Variants in LEKR1 observed in about 807,000 individuals in gnomAD.
The protein encoded by LEKR1 is protein LEKR1.
In LEKR1, 59 loss-of-function variants were observed where a neutral mutation model predicts 72.4. That is an observed-to-expected ratio of 0.82 (90% confidence interval 0.66 to 1.01). The LOEUF is 1.01. LEKR1 is among the 50% of genes least tolerant of loss of function. The pLI, the probability that LEKR1 is intolerant of heterozygous loss-of-function variation, is 0.00. For synonymous variants in LEKR1, 257 were observed against 263.2 expected, an observed-to-expected ratio of 0.98 and a Z score of 0.23; for missense variants, 728 against 759.2, an observed-to-expected ratio of 0.96 and a Z score of 0.48.
chr3:157,044,279 C>T (rs542639419), intron 12 of LEKR1, among the ~76,000 whole-genome samples: 1 of 152,298 alleles, frequency 6.6e-6, no homozygotes, highest in Non-Finnish European at 1.5e-5. Context: ...TACTTTTCAG[C>T]CTCATTTTTG....
chr3:156,922,811 G>T (rs1346222531), intron 4 of LEKR1, among the ~76,000 whole-genome samples: 1 of 152,146 alleles, frequency 6.6e-6, no homozygotes, highest in Non-Finnish European at 1.5e-5. Context: ...TCACAAAGTT[G>T]TGTTTAAGTT....
chr3:156,896,036 G>T (rs1475322593), intron 3 of LEKR1, among the ~76,000 whole-genome samples: 1 of 152,168 alleles, frequency 6.6e-6, no homozygotes, highest in African/African-American at 2.4e-5. Flanking sequence ...CCATAAAAAA[G>T]AACAAGAGCA....
intron 5 of LEKR1, among the ~76,000 whole-genome samples, chr3:156,934,543 A>ATT (rs1342140715): frequency 6.6e-6 from 1 of 152,208 alleles, no homozygotes; most frequent in African/African-American, 2.4e-5. Context: ...TCCAAATTGG[A>ATT]TTTTAAAATT....
chr3:156,993,396 A>G (rs1327402335), intron 9 of LEKR1, 119 bp downstream of exon 9: 4 of 603,948 alleles, frequency 6.6e-6, no homozygotes, highest in Non-Finnish European at 1.1e-5. Context: ...GACTAAAGAT[A>G]TATTTCTCCT....
chr3:156,961,425 C>T (rs768527844), intron 6 of LEKR1, among the ~76,000 whole-genome samples: 43 of 152,208 alleles, frequency 2.8e-4, no homozygotes, highest in Non-Finnish European at 2.1e-4. Flanking sequence ...TCAACAGCCA[C>T]TCCCCTTACA....
chr3:156,888,003 A>G (rs1189715115), intron 3 of LEKR1, among the ~76,000 whole-genome samples: 1 of 152,238 alleles, frequency 6.6e-6, no homozygotes, highest in African/African-American at 2.4e-5. Context: ...TAAAATCATT[A>G]TAGAGGTAAT....
rs141466468 is a variant in LEKR1 at position 157,010,876 on chromosome 3, C to T, written c.1110-537C>T. ...TAATATGTTTTATGCTATATTGCAT[C>T]CCCGACATCACACATCTCTCTACTT... On this transcript the variant is annotated intron_variant, in intron 9 of 12. Coordinates refer to ENST00000356539, the MANE Select transcript of LEKR1 (RefSeq NM_001004316.3). 4.4e-3 allele frequency among the ~76,000 whole-genome samples: 665 copies of T among 152,118 alleles called. 2 individuals carry two copies. The highest frequency in any genetic ancestry group is 0.015 in the African/African-American group (640 of 41,502).
At chr3:157,035,780 T>A (rs1027589178) in intron 12 of LEKR1, among the ~76,000 whole-genome samples, 2 of 152,120 alleles carry the variant, frequency 1.3e-5, no homozygotes, top group African/African-American at 2.4e-5. Context: ...ACATCTGTAA[T>A]CCCAGCTACT....
At chr3:156,901,853 T>C (rs546367817) in intron 3 of LEKR1, among the ~76,000 whole-genome samples, 100 of 152,182 alleles carry the variant, frequency 6.6e-4, no homozygotes, top group Middle Eastern at 3.4e-3. Context: ...ACCCAGCTAA[T>C]TTTTGTATTT....
At chr3:156,861,872 C>G (rs1716799559) in intron 3 of LEKR1, among the ~76,000 whole-genome samples, 1 of 151,944 alleles carries the variant, frequency 6.6e-6, no homozygotes, top group Non-Finnish European at 1.5e-5. Context: ...TTTCATTTTT[C>G]TCCCACACCA....
At chr3:156,832,215 C>T (rs905702879) in intron 2 of LEKR1, among the ~76,000 whole-genome samples, 1 of 133,578 alleles carries the variant, frequency 7.5e-6, no homozygotes, top group African/African-American at 3.7e-5. Flanking sequence ...AATAATGAGC[C>T]CCAACATAAG....
intron 7 of LEKR1, among the ~76,000 whole-genome samples, chr3:156,982,862 G>GTGT (rs1730336495): frequency 1.9e-5 from 2 of 107,772 alleles, no homozygotes; most frequent in African/African-American, 6.8e-5. Context: ...TGTGTAGATA[G>GTGT]ATAGATAGAT....
At chr3:156,910,744 A>ACTTTATAGG (rs924554781) in intron 3 of LEKR1, among the ~76,000 whole-genome samples, 2 of 152,228 alleles carry the variant, frequency 1.3e-5, no homozygotes, top group African/African-American at 2.4e-5. Flanking sequence ...TATCCGGTCC[A>ACTTTATAGG]TCACTGATGA....
intron 7 of LEKR1, chr3:156,979,937 C>T (rs1730036623): frequency 6.6e-6 from 1 of 152,096 alleles, no homozygotes; most frequent in African/African-American, 2.4e-5. Flanking sequence ...TCACCTAAGC[C>T]TAGAAAGTTG....
At chr3:156,899,372 A>G (rs557901440) in intron 3 of LEKR1, among the ~76,000 whole-genome samples, 1 of 118,356 alleles carries the variant, frequency 8.4e-6, no homozygotes, top group Admixed American at 9.5e-5. Context: ...ACATATATAC[A>G]TATATACACA....
In LEKR1 at chr3:157,024,781, G is replaced by C. The variant is rs1560154568; in HGVS notation, c.1225G>C (p.Glu409Gln). The C allele has an allele frequency of 1.2e-6, 2 of 1,606,824 alleles. No individual in the cohort carries two copies. Among genetic ancestry groups the C allele is most frequent in the South Asian group, 1.1e-5 (1 of 88,418 alleles). The change falls in exon 11 of 13, where the codon GAA becomes CAA. Residue 409 changes from glutamate (E) to glutamine (Q), a missense_variant. Physicochemically the swap from Glu to Gln is conservative, Grantham distance 29. Coordinates refer to ENST00000356539, the MANE Select transcript of LEKR1 (RefSeq NM_001004316.3). ...KEKIEAELAK[E>Q]RAQHLVEFEE... ...CTAGATTGAAGCAGAACTTGCCAAG[G>C]AAAGGGCCCAACACTTGGTTGAATT...
At chr3:156,831,578 T>C (rs1175609422) in intron 2 of LEKR1, among the ~76,000 whole-genome samples, 1 of 152,186 alleles carries the variant, frequency 6.6e-6, no homozygotes, top group Non-Finnish European at 1.5e-5. Flanking sequence ...CAGTTCCACA[T>C]GGCTGGGGAG....
intron 3 of LEKR1, among the ~76,000 whole-genome samples, chr3:156,855,055 A>G (rs921298964): frequency 6.6e-6 from 1 of 151,852 alleles, no homozygotes. Context: ...GCTATAATTT[A>G]CTTAATCAAT....
At chr3:156,972,753 A>G (rs1480013573) in intron 6 of LEKR1, among the ~76,000 whole-genome samples, 2 of 151,166 alleles carry the variant, frequency 1.3e-5, no homozygotes, top group Non-Finnish European at 3.0e-5. Context: ...AATAATTTAA[A>G]CAGTGAGTAA....
Sources: gnomAD v4.1 joint callset for allele counts (sites outside exome capture counted in the v4.1 genomes callset) on GRCh38, gnomAD v4.1.1 for gene constraint, MANE v1.5 for transcripts, NCBI Gene and HGNC (gene_info 2026-07-23, HGNC 2026-07-21) for gene names.